ASTN2: variants seen among roughly 807,000 people sequenced by gnomAD.
ASTN2 encodes the protein astrotactin 2, also known as astrotactin-2.
ASTN2 carries 54 observed loss-of-function variants against 139.8 expected under a neutral mutation model. The ratio of observed to expected loss-of-function variants is 0.39; its 90% CI spans 0.31 to 0.48. The LOEUF is 0.48. Among genes scored for constraint, ASTN2 ranks in the 20% least tolerant of loss-of-function variants. The probability of loss-of-function intolerance (pLI) is 0.95; values close to 1 mark genes in which losing one functional copy is unlikely to be tolerated. For missense variants in ASTN2, 1,565 were observed against 1,725.1 expected (o/e 0.91, Z 1.64); for synonymous variants, 756 against 719.5 (o/e 1.05, Z -0.81).
At position 116,508,299 on chromosome 9, in the gene ASTN2, G is replaced by A. The variant is rs190131408; in HGVS notation, c.3356-20799C>T. 1.6e-4 allele frequency among the ~76,000 whole-genome samples: 24 copies of A among 152,344 alleles called. No homozygotes were observed. In the East Asian group the frequency reaches 3.9e-3, roughly 24 times the overall value. On this transcript the variant is annotated intron_variant, in intron 19 of 22. Coordinates refer to ENST00000313400, the MANE Select transcript of ASTN2 (RefSeq NM_001365068.1). Reference sequence around the variant, plus strand: ...CAGCAATGCCAGATGAGCTTGGTGAGCACATATTACACATTCAGTGCATGG... The same window carrying A: ...CAGCAATGCCAGATGAGCTTGGTGAACACATATTACACATTCAGTGCATGG...
chr9:116,635,775 T>G (rs1297421423), intron 17 of ASTN2, among the ~76,000 whole-genome samples: 1 of 152,176 alleles, frequency 6.6e-6, no homozygotes, highest in African/African-American at 2.4e-5. Flanking sequence ...CAAGCTCTTT[T>G]GATAGTGGAT....
intron 19 of ASTN2, among the ~76,000 whole-genome samples, chr9:116,587,128 G>A (rs1854190835): frequency 6.6e-6 from 1 of 152,022 alleles, no homozygotes; most frequent in South Asian, 2.1e-4. Flanking sequence ...ATCACCTGAG[G>A]TCAGGAGTTT....
chr9:117,383,361 G>A (rs1050177718), intron 1 of ASTN2, among the ~76,000 whole-genome samples: 2 of 152,058 alleles, frequency 1.3e-5, no homozygotes, highest in Non-Finnish European at 2.9e-5. Context: ...CCTACAAACT[G>A]ACTGACTGGA....
rs777285202 is a variant in ASTN2 at position 116,699,595 on chromosome 9, G to C, written c.2806+26176C>G. ...GTCCTTATTCGAGAGGGACTTACCT[G>C]TCCGGTGGGCATAGCCCTAACTCCT... On this transcript the variant is annotated intron_variant, in intron 16 of 22. Coordinates refer to ENST00000313400, the MANE Select transcript of ASTN2 (RefSeq NM_001365068.1). This position sits in a 1 kb window ranked among gnomAD's most constrained non-coding sequence, Gnocchi z 4.2. 3.7e-6 allele frequency: 6 copies of C among 1,614,230 alleles called. No homozygotes were observed. Among genetic ancestry groups the C allele is most frequent in the Non-Finnish European group, 5.1e-6 (6 of 1,180,048 alleles).
intron 19 of ASTN2, among the ~76,000 whole-genome samples, chr9:116,555,911 G>A (rs1352732248): frequency 3.3e-5 from 5 of 152,186 alleles, no homozygotes; most frequent in Non-Finnish European, 7.3e-5. Context: ...GGATGCACAT[G>A]TGTGAGTATA....
intron 14 of ASTN2, among the ~76,000 whole-genome samples, chr9:116,731,153 G>A (rs1828767477): frequency 6.7e-6 from 1 of 150,068 alleles, no homozygotes; most frequent in Admixed American, 6.6e-5. Flanking sequence ...ATGAAGCTAT[G>A]TGATGGAGGG....
chr9:116,946,118 A>T lies in ASTN2; in HGVS notation c.1889+29090T>A, dbSNP rs59229738. Among the ~76,000 whole-genome samples, 572 of 152,344 alleles carry T rather than the reference A, an allele frequency of 3.8e-3. 5 individuals carry two copies. Among genetic ancestry groups the T allele is most frequent in the African/African-American group, 0.013 (545 of 41,578 alleles). ...AACAGTAAGACAGAAGTACACACTC[A>T]TGATTCAGTCACCTTCCACCAGGTC... is the stretch of plus-strand genomic sequence containing the variant. On this transcript the variant is annotated intron_variant, in intron 10 of 22. Coordinates refer to ENST00000313400, the MANE Select transcript of ASTN2 (RefSeq NM_001365068.1).
At chr9:116,733,214 T>A (rs946975352) in intron 14 of ASTN2, among the ~76,000 whole-genome samples, 185 bp downstream of exon 14, 2 of 152,204 alleles carry the variant, frequency 1.3e-5, no homozygotes, top group African/African-American at 4.8e-5. Context: ...CTCAGGGAAG[T>A]CCCTGGTTCT....
chr9:116,450,750 C>G (rs1848149329), intron 20 of ASTN2, among the ~76,000 whole-genome samples: 2 of 152,170 alleles, frequency 1.3e-5, no homozygotes, highest in African/African-American at 4.8e-5. Context: ...CTATGCATCC[C>G]TGCTCACTCT....
chr9:116,932,809 C>T (rs1834941136), intron 10 of ASTN2, among the ~76,000 whole-genome samples: 1 of 151,908 alleles, frequency 6.6e-6, no homozygotes, highest in African/African-American at 2.4e-5. Context: ...AGTTCGAGAC[C>T]ATCCTGGCCA....
At chr9:117,036,046 T>C (rs1471986267) in intron 6 of ASTN2, among the ~76,000 whole-genome samples, 1 of 152,208 alleles carries the variant, frequency 6.6e-6, no homozygotes, top group Non-Finnish European at 1.5e-5. Flanking sequence ...TTAGACACTC[T>C]ACTAGGCACT....
chr9:117,370,996 T>G (rs1435047087), intron 1 of ASTN2, among the ~76,000 whole-genome samples: 1 of 152,162 alleles, frequency 6.6e-6, no homozygotes, highest in Non-Finnish European at 1.5e-5. Context: ...AGGCCAAGAC[T>G]AAATCCAGTT....
intron 20 of ASTN2, among the ~76,000 whole-genome samples, chr9:116,453,855 G>C (rs1848249392): frequency 6.6e-6 from 1 of 152,164 alleles, no homozygotes; most frequent in African/African-American, 2.4e-5. Context: ...GTGAGCTTCA[G>C]TTTCCTCATC....
intron 7 of ASTN2, among the ~76,000 whole-genome samples, chr9:116,991,855 T>G (rs1243645364): frequency 6.6e-6 from 1 of 152,212 alleles, no homozygotes; most frequent in African/African-American, 2.4e-5. Flanking sequence ...AAGGGGCCAG[T>G]GGTGTCTCTT....
intron 7 of ASTN2, among the ~76,000 whole-genome samples, chr9:116,983,723 C>T (rs1836587297): frequency 6.6e-6 from 1 of 152,156 alleles, no homozygotes; most frequent in African/African-American, 2.4e-5. Flanking sequence ...ATGATGAGAG[C>T]CAGGACTTAA....
chr9:117,304,418 CTT>C (rs1834950147), intron 1 of ASTN2, among the ~76,000 whole-genome samples: 1 of 152,192 alleles, frequency 6.6e-6, no homozygotes, highest in Non-Finnish European at 1.5e-5. Context: ...AGCCTTGTCT[CTT>C]TTGCTGCCCA....
Position 116,661,005 on chromosome 9 carries a change from G to A in ASTN2, c.2807-9212C>T, listed in dbSNP as rs555081749. Among the ~76,000 whole-genome samples the A allele has an allele frequency of 2.0e-5, 3 of 152,302 alleles. No homozygotes were observed. In the East Asian group the frequency reaches 5.8e-4, roughly 29 times the overall value. On this transcript the variant is annotated intron_variant, in intron 16 of 22. Transcript: ENST00000313400. ...GAGAACTGAGGCACAGAGTGATAAAGTATAACTTGCAAGAGGACACCTGTC... is the reference window on the plus strand; with the variant it reads ...GAGAACTGAGGCACAGAGTGATAAAATATAACTTGCAAGAGGACACCTGTC...
intron 4 of ASTN2, among the ~76,000 whole-genome samples, chr9:117,132,006 T>C (rs752878430): frequency 2.1e-4 from 32 of 152,226 alleles, no homozygotes; most frequent in Non-Finnish European, 3.5e-4. Context: ...AAATAGCCAA[T>C]GATTTCACAA....
At chr9:117,169,779 G>T (rs11999481) in intron 3 of ASTN2, among the ~76,000 whole-genome samples, 3,033 of 152,208 alleles carry the variant, frequency 0.02, 115 homozygotes, top group African/African-American at 0.067. Flanking sequence ...TTTCCATGAT[G>T]AATTAGAGAC....
Sources: allele counts gnomAD v4.1 joint callset (sites outside exome capture counted in the v4.1 genomes callset), GRCh38; gene constraint gnomAD v4.1.1; non-coding constraint Gnocchi (gnomAD v3.1); transcripts MANE v1.5; gene names NCBI Gene and HGNC (gene_info 2026-07-23, HGNC 2026-07-21).